Variants in ACSL4 observed in about 807,000 individuals in gnomAD.
ACSL4 encodes long-chain-fatty-acid--CoA ligase 4.
A neutral mutation model predicts 49.1 loss-of-function variants in ACSL4; 9 were observed. The ratio of observed to expected loss-of-function variants is 0.18; its 90% confidence interval spans 0.11 to 0.32. The LOEUF is 0.32. Among genes scored for constraint, ACSL4 ranks in the 10% least tolerant of loss-of-function variants. The pLI is 1.00. For synonymous variants in ACSL4, 191 were observed against 170.3 expected (o/e 1.12, Z -0.95); for missense variants, 333 against 493.7 (o/e 0.67, Z 3.08).
intron 1 of ACSL4, among the ~76,000 whole-genome samples, chrX:109,730,347 G>A (rs1173648024): frequency 1.8e-5 from 2 of 112,070 alleles, no homozygotes; most frequent in African/African-American, 6.5e-5. Flanking sequence ...TTTGCTAAAG[G>A]CTCAGCAATT....
chrX:109,733,205 G>A lies in ACSL4; in HGVS notation c.-132C>T, dbSNP rs894185023. ...TGGCACTCGGAAAGCTCGCAAAAAG[G>A]AACCGCGTGCCCGCTAGCGCTGGGA... On this transcript the variant is annotated 5_prime_UTR_variant, in exon 1 of 16. Coordinates refer to ENST00000672401, the MANE Select transcript of ACSL4 (RefSeq NM_001318510.2). 1 of 327,181 alleles carries A rather than the reference G, an allele frequency of 3.1e-6. No homozygotes were observed. Among genetic ancestry groups the A allele is most frequent in the Non-Finnish European group, 5.9e-6 (1 of 168,922 alleles). The allele number at this position is 327,181 out of a possible 1,213,427, so 27.0% of individuals were successfully genotyped here.
intron 1 of ACSL4, among the ~76,000 whole-genome samples, chrX:109,715,616 A>G (rs1019106620): frequency 9.0e-6 from 1 of 110,616 alleles, no homozygotes; most frequent in South Asian, 3.8e-4. Context: ...CTCCGACTGC[A>G]TCTCAAAAAA....
intron 2 of ACSL4, chrX:109,685,580 G>C (rs1338250682): frequency 9.0e-6 from 1 of 111,500 alleles, no homozygotes; most frequent in Admixed American, 9.6e-5. Flanking sequence ...CCCCAGGCTA[G>C]TTGATTGTTT....
intron 1 of ACSL4, among the ~76,000 whole-genome samples, chrX:109,711,441 G>T (rs187324497): frequency 4.5e-5 from 5 of 111,951 alleles, no homozygotes; most frequent in African/African-American, 1.6e-4. Context: ...AGAGATGGAT[G>T]ACCTAGGGCA....
Position 109,669,142 on chromosome X carries a change from A to G in ACSL4, c.1034T>C (p.Met345Thr). The part of the protein sequence containing the change: ...EIMDRIYKNV[M>T]SKVQEMNYIQ... ...ATAATTCATCTCTTGGACTTTGCTC[A>G]TAACATTCTTATAAATTCTATCCAT... Residue 345 changes from methionine (M) to threonine (T), a missense_variant, in exon 10 of 16, where the codon ATG becomes ACG. Transcript: ENST00000672401. 7 of 1,169,729 alleles carry G rather than the reference A, an allele frequency of 6.0e-6. No individual in the cohort carries two copies. Among genetic ancestry groups the G allele is most frequent in the Non-Finnish European group, 8.1e-6 (7 of 859,617 alleles).
chrX:109,659,539 T>C (rs762984157), intron 14 of ACSL4, 28 bp from the exon 15 acceptor site: 45 of 1,065,497 alleles, frequency 4.2e-5, no homozygotes, highest in Non-Finnish European at 5.9e-5. Context: ...AAAATAGAAA[T>C]GAAAACATTG....
Position 109,730,413 on chromosome X carries a change from T to A in ACSL4, c.-66+2726A>T, listed in dbSNP as rs376416567. Among the ~76,000 whole-genome samples, 14 of 112,152 alleles carry A rather than the reference T, an allele frequency of 1.2e-4. No homozygotes were observed. In the East Asian group the frequency reaches 3.4e-3, roughly 27 times the overall value. ...AGTCTACAGGCTACAATTAATAGAA[T>A]CATCTCTTCCTCCCCTATGGAAACT... On this transcript the variant is annotated intron_variant, in intron 1 of 15. Coordinates refer to ENST00000672401, the MANE Select transcript of ACSL4 (RefSeq NM_001318510.2).
chrX:109,695,483 G>A (rs186033884), intron 2 of ACSL4, among the ~76,000 whole-genome samples: 4 of 110,680 alleles, frequency 3.6e-5, no homozygotes, highest in East Asian at 2.8e-4. Context: ...TTGGAAGGCC[G>A]AGGCGGGAGA....
At chrX:109,662,670 C>A (rs953723807) in intron 13 of ACSL4, among the ~76,000 whole-genome samples, 1 of 111,157 alleles carries the variant, frequency 9.0e-6, no homozygotes, top group Non-Finnish European at 1.9e-5. Flanking sequence ...ATTCTCAGAA[C>A]TGACTAGTGC....
intron 15 of ACSL4, among the ~76,000 whole-genome samples, chrX:109,650,707 G>T (rs1921040022): frequency 9.0e-6 from 1 of 111,577 alleles, no homozygotes; most frequent in Non-Finnish European, 1.9e-5. Flanking sequence ...CAAAAGAGAA[G>T]TCCCTTTGTC....
At chrX:109,714,280 GAA>G (rs1926959785) in intron 1 of ACSL4, among the ~76,000 whole-genome samples, 1 of 112,238 alleles carries the variant, frequency 8.9e-6, no homozygotes, top group Admixed American at 9.4e-5. Flanking sequence ...AGGACATAAA[GAA>G]AAAATATTTT....
intron 1 of ACSL4, among the ~76,000 whole-genome samples, chrX:109,707,231 C>T (rs1206701131): frequency 8.9e-6 from 1 of 111,790 alleles, no homozygotes; most frequent in Non-Finnish European, 1.9e-5. Context: ...ATTTTAATTC[C>T]TGCCATGAAT....
intron 2 of ACSL4, among the ~76,000 whole-genome samples, chrX:109,686,555 T>C (rs1041248729): frequency 3.6e-5 from 4 of 112,101 alleles, no homozygotes; most frequent in Non-Finnish European, 7.5e-5. Context: ...TTACCCTCAA[T>C]TGAGAAATCT....
At chrX:109,691,686 G>T (rs1925047417) in intron 2 of ACSL4, among the ~76,000 whole-genome samples, 2 of 111,913 alleles carry the variant, frequency 1.8e-5, no homozygotes, top group South Asian at 7.3e-4. Flanking sequence ...AGCATTAAGA[G>T]TTCTAACAAG....
intron 1 of ACSL4, among the ~76,000 whole-genome samples, chrX:109,701,751 A>G (rs1925968393): frequency 1.0e-5 from 1 of 95,454 alleles, no homozygotes; most frequent in Non-Finnish European, 2.1e-5. Context: ...TCACTGTGTT[A>G]GCCAGGGTGG....
chrX:109,644,654 T>C (rs1331962566), intron 15 of ACSL4, among the ~76,000 whole-genome samples: 1 of 111,973 alleles, frequency 8.9e-6, no homozygotes, highest in Non-Finnish European at 1.9e-5. Context: ...TGACCACTCA[T>C]AACAAAAGAG....
chrX:109,713,645 G>A (rs1038839756), intron 1 of ACSL4, among the ~76,000 whole-genome samples: 1 of 111,489 alleles, frequency 9.0e-6, no homozygotes, highest in South Asian at 3.8e-4. Context: ...GGCTTATTGA[G>A]CCACTGTAAT....
At chrX:109,680,029 C>T (rs914773338) in intron 6 of ACSL4, among the ~76,000 whole-genome samples, 1 of 112,039 alleles carries the variant, frequency 8.9e-6, no homozygotes, top group African/African-American at 3.2e-5. Flanking sequence ...TAGTGTCTCT[C>T]CCCAGAGCAA....
chrX:109,723,264 CCTA>C (rs1316592526), intron 1 of ACSL4, among the ~76,000 whole-genome samples: 4 of 111,018 alleles, frequency 3.6e-5, no homozygotes, highest in Non-Finnish European at 7.6e-5. Context: ...AATCTGCATA[CCTA>C]CTATCAAAAT....
Sources: allele counts gnomAD v4.1 joint callset (sites outside exome capture counted in the v4.1 genomes callset), GRCh38; gene constraint gnomAD v4.1.1; transcripts MANE v1.5; gene names NCBI Gene and HGNC (gene_info 2026-07-23, HGNC 2026-07-21).